STAG1: variants seen among roughly 807,000 people sequenced by gnomAD.
The protein encoded by STAG1 is cohesin subunit SA-1.
Under a neutral mutation model 170.9 loss-of-function variants are expected in STAG1, and 26 were observed. The ratio of observed to expected loss-of-function variants is 0.15; its 90% CI spans 0.11 to 0.21. The LOEUF is 0.21. Ranked by LOEUF, STAG1 falls within the 10% of genes least tolerant of loss-of-function variation. The probability of loss-of-function intolerance (pLI) is 1.00; values close to 1 mark genes in which losing one functional copy is unlikely to be tolerated. For synonymous variants in STAG1, 514 were observed against 497.7 expected, an observed-to-expected ratio of 1.03 and a Z score of -0.44; for missense variants, 964 against 1,509.5, an observed-to-expected ratio of 0.64 and a Z score of 5.99.
intron 5 of STAG1, among the ~76,000 whole-genome samples, chr3:136,561,440 C>T (rs544983506): frequency 1.9e-4 from 29 of 152,218 alleles, no homozygotes; most frequent in Non-Finnish European, 3.8e-4. Flanking sequence ...CTGGTTTACA[C>T]CATCACAGTG....
At chr3:136,634,362 A>G (rs1193840821) in intron 1 of STAG1, among the ~76,000 whole-genome samples, 2 of 151,744 alleles carry the variant, frequency 1.3e-5, no homozygotes, top group African/African-American at 4.8e-5. Context: ...TCAGCCCCCA[A>G]AACAAACAAA....
At chr3:136,721,693 A>C (rs1364609290) in intron 1 of STAG1, among the ~76,000 whole-genome samples, 1 of 151,980 alleles carries the variant, frequency 6.6e-6, no homozygotes, top group Non-Finnish European at 1.5e-5. Flanking sequence ...ATGAGGCCGA[A>C]GTGGGTGAAT....
intron 1 of STAG1, among the ~76,000 whole-genome samples, chr3:136,667,093 T>C (rs1338069263): frequency 1.3e-5 from 2 of 152,290 alleles, no homozygotes; most frequent in African/African-American, 2.4e-5. Context: ...TTTTACTCAA[T>C]AGGCGGTCTA....
In STAG1 at chr3:136,712,242, T is replaced by G. The variant is rs148129947; in HGVS notation, c.-84+39953A>C. Among the ~76,000 whole-genome samples, 110 of 152,202 alleles carry G rather than the reference T, an allele frequency of 7.2e-4. No individual in the cohort carries two copies. In the East Asian group the frequency reaches 0.018, roughly 25 times the overall value. ...CACATTAGCCAGGATGGTCTCGATC[T>G]CCTGACCTCATGATCCAACTGCCTC... On this transcript the variant is annotated intron_variant, in intron 1 of 33. Transcript: ENST00000383202.
At chr3:136,406,650 T>C (rs1393011728) in intron 21 of STAG1, among the ~76,000 whole-genome samples, 2 of 152,166 alleles carry the variant, frequency 1.3e-5, no homozygotes, top group African/African-American at 4.8e-5. Context: ...CTCAGTGATA[T>C]AAAGTAGCAA....
intron 16 of STAG1, among the ~76,000 whole-genome samples, chr3:136,431,895 T>C (rs1262377093): frequency 6.6e-6 from 1 of 152,220 alleles, no homozygotes; most frequent in African/African-American, 2.4e-5. Context: ...TGTGGAACTT[T>C]TGTGTTTATT....
intron 1 of STAG1, among the ~76,000 whole-genome samples, chr3:136,633,338 G>A (rs987948783): frequency 4.9e-4 from 75 of 152,208 alleles, no homozygotes; most frequent in Middle Eastern, 3.4e-3. Context: ...ATCCCTCAAG[G>A]GAGAAATTAA....
intron 22 of STAG1, 60 bp downstream of exon 22, chr3:136,398,689 T>C (rs956314069): frequency 1.4e-5 from 13 of 939,496 alleles, no homozygotes; most frequent in Non-Finnish European, 2.0e-5. Context: ...AATTATTAAA[T>C]AGTTAAGCAA....
chr3:136,734,012 C>T (rs1934192138), intron 1 of STAG1, among the ~76,000 whole-genome samples: 1 of 150,034 alleles, frequency 6.7e-6, no homozygotes, highest in East Asian at 2.0e-4. Context: ...GAGGCTGAGG[C>T]AGGAGAATGG....
At chr3:136,618,587 A>G (rs1338753031) in intron 3 of STAG1, among the ~76,000 whole-genome samples, 1 of 152,224 alleles carries the variant, frequency 6.6e-6, no homozygotes, top group Admixed American at 6.5e-5. Flanking sequence ...AGAGAAAAAA[A>G]TCCATAATAA....
At chr3:136,390,127 G>A (rs944089786) in intron 22 of STAG1, among the ~76,000 whole-genome samples, 15 of 152,082 alleles carry the variant, frequency 9.9e-5, no homozygotes, top group Middle Eastern at 3.4e-3. Context: ...CACCACGCCC[G>A]GCCCCTTATG....
intron 1 of STAG1, among the ~76,000 whole-genome samples, chr3:136,705,220 C>CA (rs2107912699): frequency 6.6e-6 from 1 of 152,110 alleles, no homozygotes; most frequent in African/African-American, 2.4e-5. Context: ...CTAAAAAATA[C>CA]AAAAAATTAG....
intron 22 of STAG1, among the ~76,000 whole-genome samples, chr3:136,379,334 A>T (rs1000648422): frequency 6.6e-6 from 1 of 152,198 alleles, no homozygotes; most frequent in African/African-American, 2.4e-5. Context: ...CCCAAAGAAG[A>T]TAACATGTAA....
chr3:136,613,895 C>A (rs1400387204), intron 3 of STAG1, among the ~76,000 whole-genome samples: 1 of 152,156 alleles, frequency 6.6e-6, no homozygotes, highest in Admixed American at 6.6e-5. Context: ...AACATGGTAA[C>A]CACTATCCCC....
At chr3:136,419,212 T>A (rs904624277) in intron 20 of STAG1, among the ~76,000 whole-genome samples, 8 of 147,084 alleles carry the variant, frequency 5.4e-5, no homozygotes, top group South Asian at 2.2e-4. Context: ...GACAGTTTTT[T>A]AAAAAAATAA....
chr3:136,569,852 A>C (rs939546147), intron 4 of STAG1, among the ~76,000 whole-genome samples: 4 of 152,118 alleles, frequency 2.6e-5, no homozygotes, highest in Non-Finnish European at 5.9e-5. Context: ...GATATTAAAA[A>C]AAGACTTCAA....
intron 22 of STAG1, among the ~76,000 whole-genome samples, chr3:136,386,347 A>G (rs907327937): frequency 4.6e-5 from 7 of 152,186 alleles, no homozygotes; most frequent in African/African-American, 1.7e-4. Context: ...GCAAAAATAA[A>G]TAAATAAAAA....
chr3:136,652,436 T>G (rs1318798623), intron 1 of STAG1, among the ~76,000 whole-genome samples: 1 of 152,264 alleles, frequency 6.6e-6, no homozygotes, highest in Non-Finnish European at 1.5e-5. Flanking sequence ...GACATCCTCC[T>G]ATATTGTTTG....
chr3:136,585,473 T>C (rs1486623414), intron 4 of STAG1, among the ~76,000 whole-genome samples: 3 of 151,850 alleles, frequency 2.0e-5, no homozygotes, highest in South Asian at 4.2e-4. Context: ...ACAAAAATTA[T>C]CTGGGCATGG....
Sources: gnomAD v4.1 joint callset for allele counts (sites outside exome capture counted in the v4.1 genomes callset) on GRCh38, gnomAD v4.1.1 for gene constraint, MANE v1.5 for transcripts, NCBI Gene and HGNC (gene_info 2026-07-23, HGNC 2026-07-21) for gene names.